Variants in NSD1 observed in about 807,000 individuals in gnomAD.
The protein encoded by NSD1 is histone-lysine N-methyltransferase, H3 lysine-36 specific.
A neutral mutation model predicts 242.7 loss-of-function variants in NSD1; 26 were observed. The observed-to-expected ratio is 0.11, with a 90% CI of 0.08 to 0.15. The LOEUF (loss-of-function observed/expected upper bound fraction) is 0.15, where lower values mean the gene tolerates loss of function less well. NSD1 is among the 10% of genes least tolerant of loss of function. NSD1 has a pLI of 1.00. For missense variants in NSD1, 2,495 were observed against 3,272.8 expected (o/e 0.76, Z 5.80); for synonymous variants, 1,106 against 1,178.1 (o/e 0.94, Z 1.25).
Position 177,238,532 on chromosome 5 carries a change from A to G in NSD1, c.4192+25A>G. On this transcript the variant is annotated intron_variant, in intron 7 of 22. Transcript: ENST00000439151. This position sits in a 1 kb window ranked among gnomAD's most constrained non-coding sequence, Gnocchi z 4.6. ...GGTAAGGTGGGGTTGGGGTCTCAGT[A>G]TTTGAGCAGATATGATTAGAGGAAG... is the stretch of plus-strand genomic sequence containing the variant. 6.2e-7 allele frequency: 1 copy of G among 1,608,680 alleles called. No homozygotes were observed. The highest frequency in any genetic ancestry group is 8.5e-7 in the Non-Finnish European group (1 of 1,179,478).
chr5:177,136,506 T>G (rs1756344904), intron 2 of NSD1, among the ~76,000 whole-genome samples: 1 of 152,164 alleles, frequency 6.6e-6, no homozygotes, highest in Non-Finnish European at 1.5e-5. Flanking sequence ...AAGATGAAGT[T>G]TTCTTGGACA....
rs1347647459 is a variant in NSD1, at chr5:177,295,211, A to G, written c.7843A>G (p.Lys2615Glu). 2 of 1,614,204 alleles carry G rather than the reference A, an allele frequency of 1.2e-6. No homozygotes were observed. The highest frequency in any genetic ancestry group is 8.5e-7 in the Non-Finnish European group (1 of 1,180,036). The change falls in exon 23 of 23, where the codon AAG becomes GAG. Residue 2615 changes from lysine (K) to glutamate (E), a missense_variant. By Grantham distance (56) the Lys-to-Glu change is moderately conservative (BLOSUM62 1). This residue lies in a region of NSD1 where 475 missense variants were observed against 563.7 expected (regional missense o/e 0.84). Transcript: ENST00000439151. The surrounding 1 kb of genome is among the most constrained non-coding windows in gnomAD (Gnocchi z 4.3). ...CCCAGCCTCCCTCCCCACTGAAGAA[A>G]AGAAGTTGGTAACCACAGAGCAAAG... ...KAPASLPTEE[K>E]KLVTTEQSPW...
chr5:177,266,222 T>A (rs1199110299), intron 14 of NSD1: 10 of 876,752 alleles, frequency 1.1e-5, no homozygotes, highest in South Asian at 1.1e-4. Flanking sequence ...GATGATGATG[T>A]TCACCTTTTC....
chr5:177,158,306 C>CT (rs1229330104), intron 2 of NSD1, among the ~76,000 whole-genome samples: 1 of 125,872 alleles, frequency 7.9e-6, no homozygotes, highest in Admixed American at 8.2e-5. Flanking sequence ...TCTTTCTTTT[C>CT]TTTCTTTTCT....
Position 177,270,154 on chromosome 5 carries a change from A to AGTCTTGTCTTGTCTTGTCTTGTCTT in NSD1, c.5509+359_5509+383dup, listed in dbSNP as rs35874885. 8.6e-5 allele frequency among the ~76,000 whole-genome samples: 13 copies of AGTCTTGTCTTGTCTTGTCTTGTCTT among 150,556 alleles called. 1 individual carries two copies. Among genetic ancestry groups the AGTCTTGTCTTGTCTTGTCTTGTCTT allele is most frequent in the South Asian group, 4.2e-4 (2 of 4,716 alleles). ...TAGCAGAGCTACATTTGCTCCAAGGAGTCTTGTCTTGTCTTGTCTTGTCTT... is the reference window on the plus strand; with the variant it reads ...TAGCAGAGCTACATTTGCTCCAAGGAGTCTTGTCTTGTCTTGTCTTGTCTTGTCTTGTCTTGTCTTGTCTTGTCTT... On this transcript the variant is annotated intron_variant, in intron 16 of 22. Transcript: ENST00000439151.
chr5:177,246,594 T>A (rs1766314123), intron 9 of NSD1, 84 bp from the exon 10 acceptor site: 1 of 902,516 alleles, frequency 1.1e-6, no homozygotes. Context: ...AGTTTTAAGG[T>A]TGGTTTTTAT....
chr5:177,158,998 T>TTATATATATATATATATGAATTA (rs1183569859), intron 2 of NSD1, among the ~76,000 whole-genome samples: 1 of 122,612 alleles, frequency 8.2e-6, no homozygotes, highest in African/African-American at 3.8e-5. Flanking sequence ...ATGAATGATT[T>TTATATATATATATATATGAATTA]TATATATATA....
At chr5:177,260,200 C>T in intron 14 of NSD1, 32 bp downstream of exon 14, 3 of 1,594,814 alleles carry the variant, frequency 1.9e-6, no homozygotes, top group South Asian at 2.2e-5. Context: ...TATTTGTAGT[C>T]TAAAAAGGGA....
rs1473959013 is a variant in NSD1 at position 177,238,590 on chromosome 5, A to G, written c.4192+83A>G. 6 of 1,494,900 alleles carry G rather than the reference A, an allele frequency of 4.0e-6. No homozygotes were observed. The highest frequency in any genetic ancestry group is 1.1e-5 in the South Asian group (1 of 88,404). The allele number at this position is 1,494,900 out of a possible 1,614,324, so 92.6% of individuals were successfully genotyped here. A position where few individuals can be genotyped will look rare whatever the true frequency, so the allele number is the denominator to read the frequency against. ...TTTTAGTATGTTTTGATGTAAAGCC[A>G]ACATTGTATCTATATACAATAAACT... On this transcript the variant is annotated intron_variant, in intron 7 of 22. Transcript: ENST00000439151. This position sits in a 1 kb window ranked among gnomAD's most constrained non-coding sequence, Gnocchi z 4.6.
chr5:177,264,684 C>A, intron 14 of NSD1: 2 of 530,950 alleles, frequency 3.8e-6, no homozygotes, highest in East Asian at 7.7e-5. Flanking sequence ...AACTCCCACT[C>A]TTATTTTAAG....
chr5:177,266,442 G>T, intron 14 of NSD1: 1 of 617,002 alleles, frequency 1.6e-6, no homozygotes. Flanking sequence ...AGAGGTGGCG[G>T]TTGTGAAACA....
At chr5:177,276,370 G>C (rs1004424624) in intron 17 of NSD1, among the ~76,000 whole-genome samples, 30 of 151,374 alleles carry the variant, frequency 2.0e-4, no homozygotes, top group African/African-American at 7.0e-4. Context: ...TGTTGCCCAG[G>C]CTGGGGTGCA....
intron 2 of NSD1, among the ~76,000 whole-genome samples, chr5:177,167,566 A>G (rs1398897326): frequency 3.3e-5 from 5 of 151,976 alleles, no homozygotes; most frequent in Non-Finnish European, 7.4e-5. Flanking sequence ...GTGAGGCTTT[A>G]TTTCTGAAGT....
At position 177,300,057 on chromosome 5, in the gene NSD1, G is replaced by GCCCCCCCCCCCCCCCCCC. The variant is rs60995782; in HGVS notation, c.*4611_*4612insCCCCCCCCCCCCCCCCCC. 1 of 129,928 alleles carries GCCCCCCCCCCCCCCCCCC rather than the reference G, an allele frequency of 7.7e-6. No individual in the cohort carries two copies. The highest frequency in any genetic ancestry group is 1.4e-5 in the Non-Finnish European group (1 of 70,616). 8.0% of individuals were successfully genotyped at this position (129,928 alleles called of 1,614,324 possible). A position where few individuals can be genotyped will look rare whatever the true frequency, so the allele number is the denominator to read the frequency against. On this transcript the variant is annotated 3_prime_UTR_variant, in exon 23 of 23. Transcript: ENST00000439151. ...AGGTCCATCATTGCTTTTTTGCCGC[G>GCCCCCCCCCCCCCCCCCC]CCCCCCCCCCCCCGCCCCCATAGAT...
chr5:177,251,952 G>T (rs2033293422), intron 12 of NSD1, 99 bp downstream of exon 12: 9 of 1,448,322 alleles, frequency 6.2e-6, no homozygotes, highest in Non-Finnish European at 8.7e-6. Flanking sequence ...GGCAACACTG[G>T]GCTAGTTGTT....
chr5:177,192,731 A>G (rs1054316025), intron 3 of NSD1, among the ~76,000 whole-genome samples: 1 of 152,070 alleles, frequency 6.6e-6, no homozygotes, highest in Non-Finnish European at 1.5e-5. Context: ...GGGTTTCACC[A>G]TGTTGGCCAG....
chr5:177,292,184 G>T (rs370761713), intron 22 of NSD1, 26 bp downstream of exon 22: 4 of 1,607,752 alleles, frequency 2.5e-6, no homozygotes, highest in Admixed American at 1.7e-5. Flanking sequence ...CATTTGTACC[G>T]CTACTCGTTC....
intron 2 of NSD1, among the ~76,000 whole-genome samples, chr5:177,161,691 T>TTTTTTG (rs1398356456): frequency 7.8e-6 from 1 of 128,854 alleles, no homozygotes; most frequent in Non-Finnish European, 1.6e-5. Context: ...TTTTTTTTTT[T>TTTTTTG]TTTTGTTTTT....
intron 8 of NSD1, among the ~76,000 whole-genome samples, chr5:177,242,946 A>G (rs1277824286): frequency 6.6e-6 from 1 of 152,208 alleles, no homozygotes; most frequent in East Asian, 1.9e-4. Flanking sequence ...ACTAATTCAT[A>G]GAAGTATATT....
Sources: gnomAD v4.1 joint callset for allele counts (sites outside exome capture counted in the v4.1 genomes callset) on GRCh38, gnomAD v4.1.1 for gene constraint, gnomAD v4.1.1 regional missense constraint, Gnocchi (gnomAD v3.1) non-coding constraint, MANE v1.5 for transcripts, NCBI Gene and HGNC (gene_info 2026-07-23, HGNC 2026-07-21) for gene names.